RAB27A: variants seen among roughly 807,000 people sequenced by gnomAD.
The protein encoded by RAB27A is RAB27A, member RAS oncogene family, also known as ras-related protein Rab-27A.
A neutral mutation model predicts 20.8 loss-of-function variants in RAB27A; 17 were observed. The ratio of observed to expected loss-of-function variants is 0.82; its 90% CI spans 0.56 to 1.23. The LOEUF (loss-of-function observed/expected upper bound fraction) is 1.23. Among genes scored for constraint, RAB27A ranks in the 50% most tolerant of loss-of-function variants. The pLI, the probability that RAB27A is intolerant of heterozygous loss-of-function variation, is 0.00. For synonymous variants in RAB27A, 85 were observed against 92.8 expected (o/e 0.92, Z 0.48); for missense variants, 277 against 266.7 (o/e 1.04, Z -0.27).
At chr15:55,271,389 C>G (rs116687662) in intron 1 of RAB27A, among the ~76,000 whole-genome samples, 1,849 of 152,304 alleles carry the variant, frequency 0.012, 29 homozygotes, top group African/African-American at 0.042. Flanking sequence ...TGGGCCCACC[C>G]AGCTGAATCA....
At chr15:55,315,809 GTGTAAATTAGTTCAACCAT>G (rs2055040710) in intron 1 of RAB27A, among the ~76,000 whole-genome samples, 1 of 152,200 alleles carries the variant, frequency 6.6e-6, no homozygotes, top group African/African-American at 2.4e-5. Context: ...GTTGGTGGGA[GTGTAAATTAGTTCAACCAT>G]TGTGAAGACA....
intron 6 of RAB27A, among the ~76,000 whole-genome samples, chr15:55,216,146 A>G (rs1895292571): frequency 1.3e-5 from 2 of 152,194 alleles, no homozygotes; most frequent in Non-Finnish European, 1.5e-5. Context: ...CACTTAGATC[A>G]GAACCTGACA....
chr15:55,261,249 T>C (rs1179025515), intron 2 of RAB27A, among the ~76,000 whole-genome samples: 1 of 146,940 alleles, frequency 6.8e-6, no homozygotes, highest in Non-Finnish European at 1.5e-5. Context: ...ATATAAAAAT[T>C]AGCCAGGCGC....
intron 2 of RAB27A, among the ~76,000 whole-genome samples, chr15:55,235,490 A>G (rs1461655227): frequency 6.6e-6 from 1 of 151,982 alleles, no homozygotes; most frequent in Non-Finnish European, 1.5e-5. Flanking sequence ...AAATAAAAAC[A>G]TACATATTAT....
At chr15:55,217,950 A>G (rs1252308663) in intron 6 of RAB27A, among the ~76,000 whole-genome samples, 1 of 152,238 alleles carries the variant, frequency 6.6e-6, no homozygotes, top group Non-Finnish European at 1.5e-5. Flanking sequence ...TTAAGTAAAC[A>G]GATTCAAATC....
At chr15:55,238,406 G>A (rs1896349538) in intron 2 of RAB27A, 2 of 152,174 alleles carry the variant, frequency 1.3e-5, no homozygotes, top group Admixed American at 6.6e-5. Flanking sequence ...AACTCACCAA[G>A]TCAAGCAGAG....
chr15:55,204,028 G>A lies in RAB27A; in HGVS notation c.*1479C>T, dbSNP rs981394247. On this transcript the variant is annotated 3_prime_UTR_variant, in exon 7 of 7. Transcript: ENST00000336787. ...TCTGGGCTTCTAGTGTAACCATCAC[G>A]CAAATATACTTGTATTTTTCTAATT... is the stretch of plus-strand genomic sequence containing the variant. 1 of 151,954 alleles carries A rather than the reference G, an allele frequency of 6.6e-6. No individual in the cohort carries two copies. Among genetic ancestry groups the A allele is most frequent in the South Asian group, 2.1e-4 (1 of 4,820 alleles). The allele number at this position is 151,954 out of a possible 1,614,324, so 9.4% of individuals were successfully genotyped here.
At chr15:55,317,962 TTATAATA>T in intron 1 of RAB27A, 3 of 370,166 alleles carry the variant, frequency 8.1e-6, no homozygotes, top group Non-Finnish European at 9.6e-6. Context: ...AACAATATTT[TTATAATA>T]TGTTACTAAT....
chr15:55,263,112 GCTT>G (rs1386010010), intron 2 of RAB27A, among the ~76,000 whole-genome samples: 10 of 151,720 alleles, frequency 6.6e-5, no homozygotes, highest in Non-Finnish European at 1.5e-4. Flanking sequence ...CTTTCTTCTA[GCTT>G]CTTCTCTCAC....
chr15:55,247,750 C>T (rs1435044520), intron 2 of RAB27A, among the ~76,000 whole-genome samples: 1 of 152,068 alleles, frequency 6.6e-6, no homozygotes, highest in Non-Finnish European at 1.5e-5. Flanking sequence ...AACAATTAGA[C>T]AAACATCCAT....
chr15:55,317,351 G>A (rs984348737), intron 1 of RAB27A: 1 of 189,228 alleles, frequency 5.3e-6, no homozygotes, highest in African/African-American at 2.3e-5. Context: ...GTCTCGCTCT[G>A]TCACCCAGGC....
intron 1 of RAB27A, among the ~76,000 whole-genome samples, chr15:55,286,474 C>T (rs925054940): frequency 6.6e-6 from 1 of 152,076 alleles, no homozygotes; most frequent in African/African-American, 2.4e-5. Flanking sequence ...GTGAGGGATA[C>T]TATTCTAGAT....
intron 2 of RAB27A, among the ~76,000 whole-genome samples, chr15:55,268,795 C>T (rs959258577): frequency 1.3e-5 from 2 of 152,124 alleles, no homozygotes; most frequent in Admixed American, 6.5e-5. Flanking sequence ...TCAGACATGT[C>T]GGTTATGGAT....
intron 2 of RAB27A, among the ~76,000 whole-genome samples, chr15:55,255,250 C>G (rs779396556): frequency 6.6e-6 from 1 of 152,204 alleles, no homozygotes; most frequent in Non-Finnish European, 1.5e-5. Flanking sequence ...ATCCCTTCCA[C>G]TCTCACCCTG....
At chr15:55,317,687 G>C (rs935691150) in intron 1 of RAB27A, 8 of 398,412 alleles carry the variant, frequency 2.0e-5, no homozygotes, top group Middle Eastern at 6.2e-4. Flanking sequence ...AATTCCTTCT[G>C]ATCTTTGGCA....
intron 6 of RAB27A, among the ~76,000 whole-genome samples, chr15:55,220,563 AC>A (rs1285561026): frequency 1.3e-5 from 2 of 152,166 alleles, no homozygotes; most frequent in Non-Finnish European, 2.9e-5. Flanking sequence ...GAGCCACCAC[AC>A]CTGGCCCCAG....
At chr15:55,266,499 C>A (rs1397239255) in intron 2 of RAB27A, among the ~76,000 whole-genome samples, 1 of 152,100 alleles carries the variant, frequency 6.6e-6, no homozygotes, top group South Asian at 2.1e-4. Flanking sequence ...ATCAATATAA[C>A]TTCTTAACAG....
At chr15:55,313,362 C>T (rs1016050109) in intron 2 of RAB27A, among the ~76,000 whole-genome samples, 2 of 152,158 alleles carry the variant, frequency 1.3e-5, no homozygotes, top group African/African-American at 4.8e-5. Flanking sequence ...AATGATGATA[C>T]TACACTCAAG....
Position 55,203,838 on chromosome 15 carries a change from T to C in RAB27A, c.*1669A>G, listed in dbSNP as rs981927108. On this transcript the variant is annotated 3_prime_UTR_variant, in exon 7 of 7. Coordinates refer to ENST00000336787, the MANE Select transcript of RAB27A (RefSeq NM_183235.3). ...AGCCTTCATTTCAAGGATAGAAATA[T>C]GTAAAATTTTACCAACCATGGATAA... 5.9e-5 allele frequency: 9 copies of C among 152,074 alleles called. No individual in the cohort carries two copies. Among genetic ancestry groups the C allele is most frequent in the Non-Finnish European group, 1.0e-4 (7 of 68,022 alleles). The allele number at this position is 152,074 out of a possible 1,614,324, so 9.4% of individuals were successfully genotyped here. A position where few individuals can be genotyped will look rare whatever the true frequency, so the allele number is the denominator to read the frequency against.
Sources: gnomAD v4.1 joint callset for allele counts (sites outside exome capture counted in the v4.1 genomes callset) on GRCh38, gnomAD v4.1.1 for gene constraint, MANE v1.5 for transcripts, NCBI Gene and HGNC (gene_info 2026-07-23, HGNC 2026-07-21) for gene names.